SPOCK3: variants seen among roughly 807,000 people sequenced by gnomAD.
SPOCK3 encodes the protein testican-3.
Under a neutral mutation model 56.6 loss-of-function variants are expected in SPOCK3, and 30 were observed. The observed-to-expected ratio is 0.53, with a 90% confidence interval of 0.40 to 0.72. The LOEUF (loss-of-function observed/expected upper bound fraction) is 0.72. Ranked by LOEUF, SPOCK3 falls within the 30% of genes least tolerant of loss-of-function variation. The pLI is 0.00. For synonymous variants in SPOCK3, 196 were observed against 183.3 expected (o/e 1.07, Z -0.56); for missense variants, 527 against 530.0 (o/e 0.99, Z 0.06).
intron 7 of SPOCK3, among the ~76,000 whole-genome samples, chr4:166,777,168 T>TATA (rs1739639257): frequency 6.6e-6 from 1 of 152,214 alleles, no homozygotes; most frequent in Non-Finnish European, 1.5e-5. Context: ...AGGTTTTTAA[T>TATA]ATAATTCAAA....
intron 2 of SPOCK3, among the ~76,000 whole-genome samples, chr4:167,073,184 T>G (rs1368943343): frequency 6.6e-6 from 1 of 151,726 alleles, no homozygotes; most frequent in Non-Finnish European, 1.5e-5. Flanking sequence ...TAATTCATAA[T>G]TTTAAATCAT....
At chr4:167,136,456 A>G (rs1763130883) in intron 2 of SPOCK3, among the ~76,000 whole-genome samples, 1 of 152,186 alleles carries the variant, frequency 6.6e-6, no homozygotes, top group African/African-American at 2.4e-5. Flanking sequence ...TCAAGTGGTC[A>G]ACAGTGAAAG....
intron 7 of SPOCK3, among the ~76,000 whole-genome samples, chr4:166,771,350 T>G (rs768858844): frequency 6.6e-6 from 1 of 152,008 alleles, no homozygotes; most frequent in Non-Finnish European, 1.5e-5. Context: ...ATTTAAAATA[T>G]AACAAAAATA....
chr4:166,934,017 C>G (rs1417431878), intron 4 of SPOCK3, among the ~76,000 whole-genome samples: 1 of 152,100 alleles, frequency 6.6e-6, no homozygotes, highest in Non-Finnish European at 1.5e-5. Context: ...AGAATGAAAA[C>G]AGGCAGATTT....
intron 6 of SPOCK3, among the ~76,000 whole-genome samples, chr4:166,824,190 G>T (rs1416321281): frequency 1.3e-5 from 2 of 151,990 alleles, no homozygotes; most frequent in Admixed American, 6.6e-5. Context: ...CTGTTCAATT[G>T]CTACCCAATA....
At chr4:167,062,349 G>T in intron 3 of SPOCK3, 143 bp downstream of exon 3, 1 of 504,202 alleles carries the variant, frequency 2.0e-6, no homozygotes, top group Non-Finnish European at 3.5e-6. Context: ...TGAAATGTAA[G>T]TAATTATTGC....
intron 7 of SPOCK3, among the ~76,000 whole-genome samples, chr4:166,762,517 T>C (rs1238086072): frequency 7.5e-6 from 1 of 134,082 alleles, no homozygotes; most frequent in Non-Finnish European, 1.7e-5. Flanking sequence ...GCCCAACAGA[T>C]GAAAGACAAA....
At chr4:166,798,359 C>A (rs548279661) in intron 6 of SPOCK3, among the ~76,000 whole-genome samples, 1 of 152,202 alleles carries the variant, frequency 6.6e-6, no homozygotes, top group South Asian at 2.1e-4. Flanking sequence ...CCTAACAATG[C>A]AAAAGCCACT....
chr4:167,076,217 T>C (rs753133673), intron 2 of SPOCK3, among the ~76,000 whole-genome samples: 4 of 151,982 alleles, frequency 2.6e-5, no homozygotes, highest in Middle Eastern at 6.8e-3. Context: ...ACTATAATGG[T>C]GGATACATGC....
At chr4:167,027,341 T>C (rs550211048) in intron 3 of SPOCK3, among the ~76,000 whole-genome samples, 4 of 152,208 alleles carry the variant, frequency 2.6e-5, no homozygotes, top group Middle Eastern at 3.4e-3. Flanking sequence ...TTAAAGACTA[T>C]GTTGTCTGGT....
At chr4:167,033,921 T>C (rs1752499503) in intron 3 of SPOCK3, among the ~76,000 whole-genome samples, 1 of 151,898 alleles carries the variant, frequency 6.6e-6, no homozygotes, top group South Asian at 2.1e-4. Flanking sequence ...TAAGCTGTCT[T>C]ATGTCATTAA....
chr4:167,083,094 C>CA, intron 2 of SPOCK3: 3 of 732,634 alleles, frequency 4.1e-6, no homozygotes, highest in Non-Finnish European at 7.5e-6. Context: ...AAGAGCCCCC[C>CA]TCACACAATG....
intron 2 of SPOCK3, chr4:167,083,206 A>T (rs767128188): frequency 1.3e-6 from 1 of 765,086 alleles, no homozygotes; most frequent in Non-Finnish European, 2.4e-6. Flanking sequence ...AATTGCCACA[A>T]AATTTCTGTC....
intron 2 of SPOCK3, among the ~76,000 whole-genome samples, chr4:167,063,030 C>A (rs1755760740): frequency 6.6e-6 from 1 of 151,742 alleles, no homozygotes; most frequent in Admixed American, 6.6e-5. Context: ...TGCAGTGGCC[C>A]ATGGAGTGTA....
chr4:166,745,667 T>A (rs1735514671), intron 8 of SPOCK3, among the ~76,000 whole-genome samples: 1 of 152,182 alleles, frequency 6.6e-6, no homozygotes, highest in African/African-American at 2.4e-5. Context: ...ATGGGCTAAA[T>A]GCCCCAGTTA....
chr4:167,006,648 T>A (rs543035384), intron 3 of SPOCK3, among the ~76,000 whole-genome samples: 15 of 152,336 alleles, frequency 9.8e-5, no homozygotes, highest in African/African-American at 3.6e-4. Flanking sequence ...ATCTGATCTT[T>A]ACATTTCATA....
intron 2 of SPOCK3, among the ~76,000 whole-genome samples, chr4:167,222,827 A>G (rs1194383983): frequency 1.6e-5 from 2 of 127,936 alleles, no homozygotes; most frequent in East Asian, 2.3e-4. Flanking sequence ...ATATATAAAC[A>G]TAGATATATA....
At chr4:166,887,786 G>C (rs1415092035) in intron 6 of SPOCK3, among the ~76,000 whole-genome samples, 1 of 150,978 alleles carries the variant, frequency 6.6e-6, no homozygotes, top group African/African-American at 2.4e-5. Context: ...TGATGGGTGG[G>C]CCAGGATCTT....
At chr4:167,138,908 T>C (rs891450231) in intron 2 of SPOCK3, among the ~76,000 whole-genome samples, 2 of 151,988 alleles carry the variant, frequency 1.3e-5, no homozygotes, top group African/African-American at 4.8e-5. Flanking sequence ...AATAAATTAA[T>C]GCAATTCCAT....
Sources: allele counts gnomAD v4.1 joint callset (sites outside exome capture counted in the v4.1 genomes callset), GRCh38; gene constraint gnomAD v4.1.1; transcripts MANE v1.5; gene names NCBI Gene and HGNC (gene_info 2026-07-23, HGNC 2026-07-21).